Variants in TNS3 observed in about 807,000 individuals in gnomAD.
The protein encoded by TNS3 is tensin 3, also known as tensin-3.
TNS3 carries 45 observed loss-of-function variants against 140.9 expected under a neutral mutation model. The observed-to-expected ratio is 0.32, with a 90% CI of 0.25 to 0.41. TNS3 has a LOEUF of 0.41. Among genes scored for constraint, TNS3 ranks in the 10% least tolerant of loss-of-function variants. The probability of loss-of-function intolerance (pLI) is 1.00; values close to 1 mark genes in which losing one functional copy is unlikely to be tolerated. For missense variants in TNS3, 1,716 were observed against 1,906.7 expected (o/e 0.90, Z 1.86); for synonymous variants, 815 against 788.4 (o/e 1.03, Z -0.56).
intron 1 of TNS3, among the ~76,000 whole-genome samples, chr7:47,546,572 T>C (rs867511086): frequency 3.3e-5 from 5 of 152,220 alleles, no homozygotes; most frequent in Admixed American, 1.3e-4. Flanking sequence ...ATTGCTCTTA[T>C]AATTTTTTTA....
intron 20 of TNS3, among the ~76,000 whole-genome samples, chr7:47,305,483 C>T (rs549380108): frequency 1.0e-3 from 152 of 152,370 alleles, no homozygotes; most frequent in Non-Finnish European, 1.9e-3. Flanking sequence ...GGCAGCCGGG[C>T]GGCCTAGGTG....
chr7:47,330,274 C>T (rs1788261246), intron 20 of TNS3, among the ~76,000 whole-genome samples: 1 of 152,120 alleles, frequency 6.6e-6, no homozygotes, highest in African/African-American at 2.4e-5. Context: ...ACCCCACCAG[C>T]CGGCAATGCC....
At chr7:47,535,515 A>T (rs759608623) in intron 1 of TNS3, among the ~76,000 whole-genome samples, 9 of 152,242 alleles carry the variant, frequency 5.9e-5, no homozygotes, top group Non-Finnish European at 1.0e-4. Context: ...TTTTCACCTG[A>T]TACTGTGCTT....
chr7:47,486,345 T>A (rs1389373524), intron 3 of TNS3, among the ~76,000 whole-genome samples: 3 of 151,958 alleles, frequency 2.0e-5, no homozygotes. Context: ...ATGCCTCATG[T>A]GTGTGTATTG....
chr7:47,563,647 G>A (rs1800362895), intron 1 of TNS3, among the ~76,000 whole-genome samples: 1 of 152,204 alleles, frequency 6.6e-6, no homozygotes, highest in East Asian at 1.9e-4. Context: ...CAAGCCTAGT[G>A]ATGAACAGTG....
chr7:47,426,772 G>A (rs569028782), intron 9 of TNS3, among the ~76,000 whole-genome samples: 7 of 152,198 alleles, frequency 4.6e-5, no homozygotes, highest in East Asian at 1.9e-4. Context: ...CAAAAAATCC[G>A]GGACTATCCA....
chr7:47,527,315 G>A (rs190448328), intron 2 of TNS3, among the ~76,000 whole-genome samples: 86 of 152,276 alleles, frequency 5.6e-4, no homozygotes, highest in Middle Eastern at 3.4e-3. Context: ...GAGACTCCTT[G>A]GGCTTCTATT....
At chr7:47,575,631 T>C (rs1800656511) in intron 1 of TNS3, among the ~76,000 whole-genome samples, 1 of 151,900 alleles carries the variant, frequency 6.6e-6, no homozygotes, top group South Asian at 2.1e-4. Context: ...CTGGCTAACA[T>C]GGTGAAACCC....
chr7:47,402,076 A>G (rs1793198709), intron 13 of TNS3, among the ~76,000 whole-genome samples: 1 of 152,206 alleles, frequency 6.6e-6, no homozygotes, highest in South Asian at 2.1e-4. Context: ...AGCATGCGGG[A>G]GAATTCTGCA....
chr7:47,493,609 G>C (rs537456344), intron 3 of TNS3, among the ~76,000 whole-genome samples: 1 of 150,996 alleles, frequency 6.6e-6, no homozygotes, highest in African/African-American at 2.4e-5. Flanking sequence ...ACGAGGTCAG[G>C]AGATCGAGAC....
At position 47,435,264 on chromosome 7, in the gene TNS3, GA is replaced by G; in HGVS notation, c.324+17del. 2 of 1,613,236 alleles carry G rather than the reference GA, an allele frequency of 1.2e-6. No homozygotes were observed. The highest frequency in any genetic ancestry group is 1.7e-6 in the Non-Finnish European group (2 of 1,179,824). ...GAAGCCCAGCCAGACCCCCAAATGT[GA>G]GAGGGGGCGCACTCACCCTGCAGTG... On this transcript the variant is annotated intron_variant, in intron 8 of 30. Transcript: ENST00000311160.
rs78859478 is a variant in TNS3, at chr7:47,344,204, C to T, written c.2650+551G>A. Among the ~76,000 whole-genome samples, 846 of 152,278 alleles carry T rather than the reference C, an allele frequency of 5.6e-3. 9 individuals are homozygous for T. Among genetic ancestry groups the T allele is most frequent in the African/African-American group, 0.02 (818 of 41,544 alleles). ...CACCCAGAAGAAGTGCACAGTAACTCGCCCTAAACACCGCCCACTAACACT... is the reference window on the plus strand; with the variant it reads ...CACCCAGAAGAAGTGCACAGTAACTTGCCCTAAACACCGCCCACTAACACT... On this transcript the variant is annotated intron_variant, in intron 20 of 30. Transcript: ENST00000311160.
intron 2 of TNS3, among the ~76,000 whole-genome samples, chr7:47,524,811 G>C (rs11770140): frequency 1.1e-5 from 1 of 93,014 alleles, no homozygotes; most frequent in African/African-American, 5.8e-5. Context: ...TCCGTCTCAA[G>C]AAAAAAAAAA....
chr7:47,429,442 A>G (rs1794819291), intron 8 of TNS3, among the ~76,000 whole-genome samples: 1 of 151,852 alleles, frequency 6.6e-6, no homozygotes, highest in African/African-American at 2.4e-5. Flanking sequence ...ATCTCGGCTC[A>G]CTGTAAGCTC....
intron 4 of TNS3, among the ~76,000 whole-genome samples, chr7:47,464,703 C>T (rs962572127): frequency 3.3e-5 from 5 of 152,138 alleles, no homozygotes; most frequent in Non-Finnish European, 5.9e-5. Flanking sequence ...CTCTGAGATC[C>T]ACTGACCTAA....
rs1041584074 is a variant in TNS3 at position 47,506,939 on chromosome 7, T to C, written c.-147A>G. On this transcript the variant is annotated 5_prime_UTR_variant, in exon 3 of 31. Coordinates refer to ENST00000311160, the MANE Select transcript of TNS3 (RefSeq NM_022748.12). The stretch of plus-strand genomic sequence containing the variant: ...TCACATTTCTTGTGGCAGGAATACT[T>C]GCAGGCTGGGAAAAAAAAAAAGAGA... 2.3e-6 allele frequency: 3 copies of C among 1,288,246 alleles called. No individual in the cohort carries two copies. The African/African-American group carries it at 4.6e-5, about 20-fold the overall frequency. The allele number at this position is 1,288,246 out of a possible 1,614,324, so 79.8% of individuals were successfully genotyped here.
intron 4 of TNS3, chr7:47,453,188 T>A: frequency 6.1e-6 from 6 of 985,526 alleles, no homozygotes; most frequent in Non-Finnish European, 7.2e-6. Flanking sequence ...CACGCAGGCA[T>A]GGAGCTCACA....
chr7:47,455,810 G>A (rs1424130566), intron 4 of TNS3, among the ~76,000 whole-genome samples: 1 of 152,198 alleles, frequency 6.6e-6, no homozygotes, highest in Non-Finnish European at 1.5e-5. Flanking sequence ...GATAGGCCAG[G>A]ATGGCTAGAA....
At chr7:47,554,947 G>C (rs148572742) in intron 1 of TNS3, among the ~76,000 whole-genome samples, 3,908 of 150,450 alleles carry the variant, frequency 0.026, 167 homozygotes, top group African/African-American at 0.091. Flanking sequence ...AGGATCGCTT[G>C]AACCCGGGAG....
Sources: allele counts gnomAD v4.1 joint callset (sites outside exome capture counted in the v4.1 genomes callset), GRCh38; gene constraint gnomAD v4.1.1; transcripts MANE v1.5; gene names NCBI Gene and HGNC (gene_info 2026-07-23, HGNC 2026-07-21).